The following PPFIA2 variants were observed in gnomAD, a reference collection of about 807,000 sequenced individuals.
PPFIA2 encodes the protein PPFI scaffold protein A2.
Under a neutral mutation model 175.5 loss-of-function variants are expected in PPFIA2, and 46 were observed. The ratio of observed to expected loss-of-function variants is 0.26; its 90% CI spans 0.21 to 0.34. PPFIA2 has a LOEUF of 0.34. Among genes scored for constraint, PPFIA2 ranks in the 10% least tolerant of loss-of-function variants. PPFIA2 has a pLI of 1.00. For synonymous variants in PPFIA2, 568 were observed against 511.4 expected (o/e 1.11, Z -1.49); for missense variants, 1,179 against 1,506.1 (o/e 0.78, Z 3.60).
intron 4 of PPFIA2, among the ~76,000 whole-genome samples, chr12:81,467,159 C>T (rs2055816541): frequency 6.6e-6 from 1 of 151,864 alleles, no homozygotes; most frequent in African/African-American, 2.4e-5. Flanking sequence ...ACTAGCATGG[C>T]AGAAGTGATT....
chr12:81,453,905 A>G (rs2053111409), intron 5 of PPFIA2, among the ~76,000 whole-genome samples: 1 of 152,180 alleles, frequency 6.6e-6, no homozygotes, highest in African/African-American at 2.4e-5. Context: ...AACACAAAAT[A>G]AAGTAGGATT....
chr12:81,585,595 C>T (rs548298358), intron 4 of PPFIA2, among the ~76,000 whole-genome samples: 75 of 151,884 alleles, frequency 4.9e-4, no homozygotes, highest in African/African-American at 1.7e-3. Flanking sequence ...CCACCATTGT[C>T]GTCCACCTCC....
intron 4 of PPFIA2, among the ~76,000 whole-genome samples, chr12:81,637,676 CTGAG>C (rs1235247435): frequency 1.3e-5 from 2 of 152,154 alleles, no homozygotes; most frequent in East Asian, 1.9e-4. Flanking sequence ...TCCATTTATA[CTGAG>C]TATTTATATG....
At chr12:81,664,678 C>A (rs1037295074) in intron 4 of PPFIA2, among the ~76,000 whole-genome samples, 3 of 152,086 alleles carry the variant, frequency 2.0e-5, no homozygotes, top group African/African-American at 2.4e-5. Flanking sequence ...CCAGCCATCC[C>A]ATTACTGGGT....
intron 22 of PPFIA2, among the ~76,000 whole-genome samples, chr12:81,305,397 G>T (rs1337194532): frequency 6.6e-6 from 1 of 151,928 alleles, no homozygotes; most frequent in African/African-American, 2.4e-5. Context: ...ATATTTATTA[G>T]CTTACTATAT....
At chr12:81,651,783 T>C (rs1019379827) in intron 4 of PPFIA2, among the ~76,000 whole-genome samples, 38 of 152,124 alleles carry the variant, frequency 2.5e-4, no homozygotes, top group Non-Finnish European at 2.1e-4. Context: ...ATTAAACTCT[T>C]GGGTCATTTC....
chr12:81,384,606 AC>A (rs1485003283), intron 8 of PPFIA2, among the ~76,000 whole-genome samples: 2 of 151,956 alleles, frequency 1.3e-5, no homozygotes, highest in Admixed American at 6.6e-5. Flanking sequence ...ATGATATAAC[AC>A]CATACATTAT....
At chr12:81,675,280 T>A (rs1326553151) in intron 4 of PPFIA2, among the ~76,000 whole-genome samples, 1 of 151,960 alleles carries the variant, frequency 6.6e-6, no homozygotes, top group Non-Finnish European at 1.5e-5. Flanking sequence ...CACTTTTATT[T>A]ATTGGGAATG....
At chr12:81,430,741 A>T (rs1399613504) in intron 7 of PPFIA2, 2 of 152,112 alleles carry the variant, frequency 1.3e-5, no homozygotes, top group Non-Finnish European at 2.9e-5. Context: ...ACAGAATACT[A>T]GTTGTTAACC....
At chr12:81,667,995 C>T (rs2070680686) in intron 4 of PPFIA2, among the ~76,000 whole-genome samples, 1 of 151,976 alleles carries the variant, frequency 6.6e-6, no homozygotes, top group Admixed American at 6.6e-5. Context: ...CTTCTATGTT[C>T]CAGGTGCCAA....
At chr12:81,393,716 A>G (rs926468262) in intron 8 of PPFIA2, among the ~76,000 whole-genome samples, 11 of 152,058 alleles carry the variant, frequency 7.2e-5, no homozygotes, top group Non-Finnish European at 2.9e-5. Flanking sequence ...ACTTACCATG[A>G]GGGAAGTAAG....
At chr12:81,469,002 C>A (rs2056255798) in intron 4 of PPFIA2, among the ~76,000 whole-genome samples, 1 of 152,108 alleles carries the variant, frequency 6.6e-6, no homozygotes, top group Non-Finnish European at 1.5e-5. Context: ...TACATCCCAG[C>A]CTAAGAATTG....
chr12:81,448,125 G>C (rs1015105190), intron 5 of PPFIA2, among the ~76,000 whole-genome samples: 7 of 151,992 alleles, frequency 4.6e-5, no homozygotes, highest in Admixed American at 3.3e-4. Context: ...CCACCCTCTA[G>C]GAAAAGAAAC....
chr12:81,280,283 C>A lies in PPFIA2; in HGVS notation c.3212+974G>T, dbSNP rs535694195. Among the ~76,000 whole-genome samples the A allele has an allele frequency of 1.5e-3, 233 of 152,270 alleles. 1 individual carries two copies. The highest frequency in any genetic ancestry group is 5.2e-3 in the African/African-American group (217 of 41,564). On this transcript the variant is annotated intron_variant, in intron 27 of 32. Coordinates refer to ENST00000549396, the MANE Select transcript of PPFIA2 (RefSeq NM_003625.5). Reference sequence around the variant, plus strand: ...GTTAAATTATGGATTCTCCATCCAGCACTTTAATGGGTTTTTTAAAAAACA... The same window carrying A: ...GTTAAATTATGGATTCTCCATCCAGAACTTTAATGGGTTTTTTAAAAAACA...
rs773802699 is a variant in PPFIA2, at chr12:81,339,203, T to C, written c.2525A>G (p.Glu842Gly). ...ACGGAGCTGCCCAAGTCGAGCTTTTTCTTTTTTACCAAACAAACGTCCTAT... is the reference window on the plus strand; with the variant it reads ...ACGGAGCTGCCCAAGTCGAGCTTTTCCTTTTTTACCAAACAAACGTCCTAT... ...SSIGRLFGKK[E>G]KARLGQLRGF... The change falls in exon 21 of 33, where the codon GAA becomes GGA. Residue 842 changes from glutamate to glycine, a missense_variant. Physicochemically the swap from Glu to Gly is moderately conservative, Grantham distance 98. This residue lies in a region of PPFIA2 where 223 missense variants were observed against 241.6 expected (regional missense o/e 0.92). Transcript: ENST00000549396. The C allele has an allele frequency of 3.1e-6, 5 of 1,603,124 alleles. No homozygotes were observed. In the African/African-American group the frequency reaches 4.1e-5, roughly 13 times the overall value.
intron 16 of PPFIA2, among the ~76,000 whole-genome samples, chr12:81,356,109 T>C (rs141349000): frequency 1.3e-5 from 2 of 152,284 alleles, no homozygotes; most frequent in South Asian, 2.1e-4. Context: ...TTACTTTCAC[T>C]TGAACACTTA....
At chr12:81,536,418 A>G (rs2153317280) in intron 4 of PPFIA2, among the ~76,000 whole-genome samples, 1 of 151,664 alleles carries the variant, frequency 6.6e-6, no homozygotes, top group Admixed American at 6.6e-5. Flanking sequence ...AGCCATTCAA[A>G]TGCCACACTA....
chr12:81,664,797 A>T (rs1277792085), intron 4 of PPFIA2, among the ~76,000 whole-genome samples: 1 of 152,136 alleles, frequency 6.6e-6, no homozygotes, highest in Non-Finnish European at 1.5e-5. Context: ...CGAATGTCCA[A>T]CAATGATAGA....
intron 24 of PPFIA2, among the ~76,000 whole-genome samples, chr12:81,291,419 T>A (rs1167654498): frequency 6.6e-6 from 1 of 152,022 alleles, no homozygotes; most frequent in Admixed American, 6.6e-5. Context: ...GTACTAAATC[T>A]ACCAGTCAAC....
Sources: gnomAD v4.1 joint callset for allele counts (sites outside exome capture counted in the v4.1 genomes callset) on GRCh38, gnomAD v4.1.1 for gene constraint, gnomAD v4.1.1 regional missense constraint, MANE v1.5 for transcripts, NCBI Gene and HGNC (gene_info 2026-07-23, HGNC 2026-07-21) for gene names.